ANTXR2: variants seen among roughly 807,000 people sequenced by gnomAD.
The protein encoded by ANTXR2 is ANTXR cell adhesion molecule 2, also known as anthrax toxin receptor 2.
In ANTXR2, 44 loss-of-function variants were observed where a neutral mutation model predicts 73.7. That is an observed-to-expected ratio of 0.60 (90% CI 0.47 to 0.77). ANTXR2 has a LOEUF of 0.77. Ranked by LOEUF, ANTXR2 falls within the 30% of genes least tolerant of loss-of-function variation. The pLI, the probability that ANTXR2 is intolerant of heterozygous loss-of-function variation, is 0.00. For missense variants in ANTXR2, 604 were observed against 592.5 expected (o/e 1.02, Z -0.20); for synonymous variants, 217 against 205.9 (o/e 1.05, Z -0.46).
intron 12 of ANTXR2, among the ~76,000 whole-genome samples, chr4:79,992,416 T>C (rs1730514380): frequency 1.3e-5 from 2 of 151,936 alleles, no homozygotes; most frequent in Admixed American, 1.3e-4. Flanking sequence ...ATAATATAGA[T>C]ATAAATAGTA....
chr4:79,983,886 T>G lies in ANTXR2; in HGVS notation c.1171A>C (p.Arg391=). ...TTTTTTAAGATACCAACCTCCATTC[T>G]TTTAATTCCTCCAACCCCTCGACCA... ...YGGRGVGGIK[R]MEVRWGDKGS... is the part of the protein sequence containing the mutation. The change falls in exon 14 of 17, where the codon AGA becomes CGA. Residue 391 remains arginine (R), a synonymous_variant. Coordinates refer to ENST00000403729, the MANE Select transcript of ANTXR2 (RefSeq NM_058172.6). 1 of 1,611,524 alleles carries G rather than the reference T, an allele frequency of 6.2e-7. No homozygotes were observed. Among genetic ancestry groups the G allele is most frequent in the Non-Finnish European group, 8.5e-7 (1 of 1,178,354 alleles).
intron 3 of ANTXR2, among the ~76,000 whole-genome samples, chr4:80,061,421 T>C (rs979964858): frequency 1.3e-5 from 2 of 152,086 alleles, no homozygotes; most frequent in South Asian, 4.1e-4. Context: ...ATACTATAGG[T>C]ATTTATATCA....
At chr4:79,995,206 T>A (rs547123167) in intron 12 of ANTXR2, among the ~76,000 whole-genome samples, 1 of 152,078 alleles carries the variant, frequency 6.6e-6, no homozygotes, top group African/African-American at 2.4e-5. Context: ...AATTTCTTAA[T>A]GGCAATAATT....
chr4:80,002,683 G>C (rs902162635), intron 12 of ANTXR2, among the ~76,000 whole-genome samples: 2 of 151,764 alleles, frequency 1.3e-5, no homozygotes, highest in African/African-American at 4.8e-5. Context: ...CTCATATCCA[G>C]AATCTACAAT....
rs367854575 is a variant in ANTXR2 at position 80,071,550 on chromosome 4, C to T, written c.224+33G>A. On this transcript the variant is annotated intron_variant, in intron 2 of 16. Transcript: ENST00000403729. The stretch of plus-strand genomic sequence containing the variant: ...AAATTCTACACTTTGCTCTACTTCT[C>T]CACTGCCTAGAAAAGTAAAGTAAGA... 6.2e-5 allele frequency: 97 copies of T among 1,552,964 alleles called. No individual in the cohort carries two copies. The Middle Eastern group carries it at 2.2e-3, about 35-fold the overall frequency.
At chr4:79,976,057 C>A (rs1412165341) in intron 16 of ANTXR2, among the ~76,000 whole-genome samples, 1 of 152,034 alleles carries the variant, frequency 6.6e-6, no homozygotes, top group Non-Finnish European at 1.5e-5. Flanking sequence ...GGACTACAGG[C>A]GCCCGCCACC....
At chr4:79,997,825 G>C (rs2110040266) in intron 12 of ANTXR2, among the ~76,000 whole-genome samples, 1 of 152,078 alleles carries the variant, frequency 6.6e-6, no homozygotes, top group Middle Eastern at 3.4e-3. Context: ...AATAAACTGA[G>C]ACCAGGATGA....
At chr4:80,030,656 G>A (rs1039916721) in intron 10 of ANTXR2, among the ~76,000 whole-genome samples, 1 of 152,032 alleles carries the variant, frequency 6.6e-6, no homozygotes, top group Non-Finnish European at 1.5e-5. Context: ...AGTGATGTGC[G>A]ATAGATATCT....
At chr4:80,036,643 T>C (rs142381038) in intron 7 of ANTXR2, among the ~76,000 whole-genome samples, 170 of 151,768 alleles carry the variant, frequency 1.1e-3, no homozygotes, top group African/African-American at 3.8e-3. Flanking sequence ...CTACTAAAAA[T>C]ACAAAAAATG....
chr4:80,072,469 A>C lies in ANTXR2; in HGVS notation c.92T>G (p.Leu31Arg). 6.2e-7 allele frequency: 1 copy of C among 1,610,798 alleles called. No homozygotes were observed. Among genetic ancestry groups the C allele is most frequent in the Non-Finnish European group, 8.5e-7 (1 of 1,178,650 alleles). The stretch of plus-strand genomic sequence containing the variant: ...GCAGGAGGGCTGCTCCTGGGCGCGC[A>C]GCAGCCCCCCGGGACCGCTGAGCAC... The part of the protein sequence containing the change: ...LLVLSGPGGL[L>R]RAQEQPSCRR... The change falls in exon 1 of 17, where the codon CTG becomes CGG. Residue 31 changes from leucine (L) to arginine (R), a missense_variant. Physicochemically the swap from Leu to Arg is moderately radical, Grantham distance 102. Transcript: ENST00000403729.
At chr4:80,039,432 C>T (rs1733130081) in intron 7 of ANTXR2, among the ~76,000 whole-genome samples, 1 of 152,012 alleles carries the variant, frequency 6.6e-6, no homozygotes, top group African/African-American at 2.4e-5. Flanking sequence ...AGTCTATTCT[C>T]ACCAAGTAAT....
At chr4:79,910,159 G>C (rs1294251849) in intron 16 of ANTXR2, among the ~76,000 whole-genome samples, 1 of 152,132 alleles carries the variant, frequency 6.6e-6, no homozygotes, top group Non-Finnish European at 1.5e-5. Flanking sequence ...GACTAAATTT[G>C]TTAAGATATA....
At chr4:79,933,523 T>G (rs924229819) in intron 16 of ANTXR2, among the ~76,000 whole-genome samples, 1 of 152,128 alleles carries the variant, frequency 6.6e-6, no homozygotes, top group African/African-American at 2.4e-5. Flanking sequence ...AGATATTGGT[T>G]TGGTTTTTGT....
At chr4:79,923,844 T>C (rs1270682753) in intron 16 of ANTXR2, among the ~76,000 whole-genome samples, 2 of 152,160 alleles carry the variant, frequency 1.3e-5, no homozygotes, top group Non-Finnish European at 2.9e-5. Context: ...GCAGAGCACA[T>C]GCGCTGTCTC....
chr4:79,989,183 C>T (rs1311072346), intron 12 of ANTXR2, among the ~76,000 whole-genome samples: 2 of 151,536 alleles, frequency 1.3e-5, no homozygotes, highest in Non-Finnish European at 2.9e-5. Context: ...GAAATCTGTA[C>T]AAAAGATCAG....
intron 16 of ANTXR2, among the ~76,000 whole-genome samples, chr4:79,918,109 G>A (rs1727426360): frequency 6.6e-6 from 1 of 151,956 alleles, no homozygotes; most frequent in Admixed American, 6.6e-5. Context: ...AAGTAGAACG[G>A]ACACAGCAGA....
At chr4:79,932,149 C>T (rs907721574) in intron 16 of ANTXR2, among the ~76,000 whole-genome samples, 2 of 152,112 alleles carry the variant, frequency 1.3e-5, no homozygotes, top group Admixed American at 1.3e-4. Context: ...CCTGGTAATA[C>T]ATTGTCAATT....
chr4:79,962,610 T>C (rs1379072196), intron 16 of ANTXR2, among the ~76,000 whole-genome samples: 2 of 152,170 alleles, frequency 1.3e-5, no homozygotes, highest in African/African-American at 4.8e-5. Flanking sequence ...TTACAGTTTT[T>C]AAACATTTTT....
At chr4:79,992,807 T>G (rs190267792) in intron 12 of ANTXR2, among the ~76,000 whole-genome samples, 1 of 152,158 alleles carries the variant, frequency 6.6e-6, no homozygotes, top group East Asian at 1.9e-4. Context: ...CCTTCCTATC[T>G]TCCCTGTTTC....
Sources: gnomAD v4.1 joint callset for allele counts (sites outside exome capture counted in the v4.1 genomes callset) on GRCh38, gnomAD v4.1.1 for gene constraint, MANE v1.5 for transcripts, NCBI Gene and HGNC (gene_info 2026-07-23, HGNC 2026-07-21) for gene names.